ARHGAP22: variants seen among roughly 807,000 people sequenced by gnomAD.
The protein encoded by ARHGAP22 is rho GTPase-activating protein 22.
A neutral mutation model predicts 59.1 loss-of-function variants in ARHGAP22; 48 were observed. The ratio of observed to expected loss-of-function variants is 0.81; its 90% CI spans 0.64 to 1.03. The LOEUF (loss-of-function observed/expected upper bound fraction) is 1.03. Ranked by LOEUF, ARHGAP22 falls within the 50% of genes least tolerant of loss-of-function variation. The probability of loss-of-function intolerance (pLI) is 0.00; values close to 1 mark genes in which losing one functional copy is unlikely to be tolerated. For synonymous variants in ARHGAP22, 445 were observed against 416.4 expected (o/e 1.07, Z -0.84); for missense variants, 1,015 against 958.7 (o/e 1.06, Z -0.78).
chr10:48,505,809 C>A (rs2052059103), intron 3 of ARHGAP22, among the ~76,000 whole-genome samples: 2 of 152,156 alleles, frequency 1.3e-5, no homozygotes, highest in South Asian at 2.1e-4. Flanking sequence ...CTGTAAGGAG[C>A]CTGTAAGGGC....
Position 48,518,238 on chromosome 10 carries a change from G to A in ARHGAP22, c.322+37225C>T, listed in dbSNP as rs1564806620. Reference sequence around the variant, plus strand: ...GGTTCCAGGCCTCAGATCTGTCCACGTCAGCCCACCACTGCCTTCAAAGTC... The same window carrying A: ...GGTTCCAGGCCTCAGATCTGTCCACATCAGCCCACCACTGCCTTCAAAGTC... On this transcript the variant is annotated intron_variant, in intron 3 of 9. Transcript: ENST00000249601. 3.9e-5 allele frequency among the ~76,000 whole-genome samples: 6 copies of A among 152,158 alleles called. No homozygotes were observed. The South Asian group carries it at 1.0e-3, about 26-fold the overall frequency.
chr10:48,650,881 C>G (rs1030684513), intron 1 of ARHGAP22, among the ~76,000 whole-genome samples: 1 of 152,140 alleles, frequency 6.6e-6, no homozygotes, highest in Non-Finnish European at 1.5e-5. Flanking sequence ...AAAGTGAGAT[C>G]CAGGGAAGTT....
chr10:48,591,550 C>A (rs532508624), intron 1 of ARHGAP22, among the ~76,000 whole-genome samples: 1 of 152,270 alleles, frequency 6.6e-6, no homozygotes, highest in East Asian at 1.9e-4. Flanking sequence ...AGATACCGCA[C>A]TGTGTACCAT....
At chr10:48,576,909 C>A (rs1427299499) in intron 2 of ARHGAP22, among the ~76,000 whole-genome samples, 1 of 89,360 alleles carries the variant, frequency 1.1e-5, no homozygotes, top group African/African-American at 5.1e-5. Context: ...CCATCCCTCC[C>A]CACACCGCCA....
At chr10:48,435,330 G>C in the ARHGAP22 span, 1 of 254,382 alleles carries the variant, frequency 3.9e-6, no homozygotes, top group Admixed American at 5.4e-5. Context: ...TTATGCTGCT[G>C]ATTTTTTTAA....
intron 4 of ARHGAP22, among the ~76,000 whole-genome samples, chr10:48,463,063 G>A (rs1336943798): frequency 6.6e-6 from 1 of 152,230 alleles, no homozygotes; most frequent in Non-Finnish European, 1.5e-5. Context: ...ATAATCAAGA[G>A]ATTTCATATA....
At chr10:48,593,998 T>C (rs1194292266) in intron 1 of ARHGAP22, among the ~76,000 whole-genome samples, 1 of 152,166 alleles carries the variant, frequency 6.6e-6, no homozygotes, top group Non-Finnish European at 1.5e-5. Flanking sequence ...TAAATTACAA[T>C]TAAAAGTTTT....
At chr10:48,637,996 C>T (rs530099381) in intron 1 of ARHGAP22, among the ~76,000 whole-genome samples, 36 of 152,262 alleles carry the variant, frequency 2.4e-4, no homozygotes, top group Non-Finnish European at 4.6e-4. Flanking sequence ...CATAAGCTCT[C>T]CCTTGGACTG....
intron 3 of ARHGAP22, among the ~76,000 whole-genome samples, chr10:48,543,733 A>T (rs1433266642): frequency 6.6e-6 from 1 of 152,202 alleles, no homozygotes; most frequent in Non-Finnish European, 1.5e-5. Context: ...AGCGATGATT[A>T]TTAGATTTTT....
At chr10:48,435,790 G>A in the ARHGAP22 span, 1 of 152,188 alleles carries the variant, frequency 6.6e-6, no homozygotes. Context: ...CAAATTTGTG[G>A]CATGCTCAAA....
At chr10:48,596,124 C>T (rs2060053317) in intron 1 of ARHGAP22, among the ~76,000 whole-genome samples, 1 of 152,214 alleles carries the variant, frequency 6.6e-6, no homozygotes, top group Non-Finnish European at 1.5e-5. Context: ...GGGTCTGCCT[C>T]CTGGCTCAGC....
chr10:48,622,930 C>T (rs989627894), intron 1 of ARHGAP22, among the ~76,000 whole-genome samples: 8 of 152,220 alleles, frequency 5.3e-5, no homozygotes, highest in African/African-American at 1.9e-4. Flanking sequence ...GCAGGCTCCT[C>T]ATCACCCACT....
chr10:48,523,241 A>G (rs1346677202), intron 3 of ARHGAP22, among the ~76,000 whole-genome samples: 1 of 152,210 alleles, frequency 6.6e-6, no homozygotes, highest in Non-Finnish European at 1.5e-5. Context: ...CCTTCCCCAG[A>G]GCCTATCCAG....
rs547875745 is a variant in ARHGAP22, at chr10:48,576,386, G to T, written c.234+6567C>A. Reference sequence around the variant, plus strand: ...TAGCACTGTGGCCCTGCTGCATTCCGTTTTTTGGTTATAGTTTTTCTTTTC... The same window carrying T: ...TAGCACTGTGGCCCTGCTGCATTCCTTTTTTTGGTTATAGTTTTTCTTTTC... On this transcript the variant is annotated intron_variant, in intron 2 of 9. Transcript: ENST00000249601. Among the ~76,000 whole-genome samples, 6 of 152,230 alleles carry T rather than the reference G, an allele frequency of 3.9e-5. No individual in the cohort carries two copies. The South Asian group carries it at 1.2e-3, about 32-fold the overall frequency.
intron 3 of ARHGAP22, among the ~76,000 whole-genome samples, chr10:48,502,404 T>C (rs1008012450): frequency 4.6e-5 from 7 of 152,182 alleles, no homozygotes; most frequent in African/African-American, 1.7e-4. Flanking sequence ...GTCAGAACTT[T>C]CCCTTCTCCA....
upstream of ARHGAP22, among the ~76,000 whole-genome samples, chr10:48,655,261 G>GT (rs2062771323): frequency 7.0e-6 from 1 of 141,948 alleles, no homozygotes; most frequent in African/African-American, 2.7e-5. Context: ...GTGTGTGGGG[G>GT]GGGGGGGGGG....
intron 2 of ARHGAP22, chr10:48,574,933 C>T (rs1197897290): frequency 6.6e-6 from 1 of 152,196 alleles, no homozygotes; most frequent in Non-Finnish European, 1.5e-5. Flanking sequence ...ATCCAAATCT[C>T]ATGTTTAATT....
chr10:48,616,182 G>A (rs2061073894), intron 1 of ARHGAP22, among the ~76,000 whole-genome samples: 1 of 152,128 alleles, frequency 6.6e-6, no homozygotes, highest in Non-Finnish European at 1.5e-5. Flanking sequence ...GCGTCTTGGT[G>A]TCAACATTTT....
chr10:48,490,270 G>T (rs932793636), intron 3 of ARHGAP22, among the ~76,000 whole-genome samples: 1 of 152,152 alleles, frequency 6.6e-6, no homozygotes, highest in African/African-American at 2.4e-5. Flanking sequence ...TTTAAGTACA[G>T]GATAGAGGGG....
Sources: allele counts gnomAD v4.1 joint callset (sites outside exome capture counted in the v4.1 genomes callset), GRCh38; gene constraint gnomAD v4.1.1; transcripts MANE v1.5; gene names NCBI Gene and HGNC (gene_info 2026-07-23, HGNC 2026-07-21).